Variants in DOP1A observed in about 807,000 individuals in gnomAD.
DOP1A encodes protein DOP1A.
Under a neutral mutation model 267.6 loss-of-function variants are expected in DOP1A, and 90 were observed. That is an observed-to-expected ratio of 0.34 (90% CI 0.28 to 0.40). DOP1A has a LOEUF of 0.40. DOP1A is among the 10% of genes least tolerant of loss of function. DOP1A has a pLI of 1.00. For synonymous variants in DOP1A, 932 were observed against 999.1 expected, an observed-to-expected ratio of 0.93 and a Z score of 1.27; for missense variants, 2,437 against 2,900.4, an observed-to-expected ratio of 0.84 and a Z score of 3.67.
chr6:83,145,679 A>G, intron 25 of DOP1A, 21 bp downstream of exon 25: 3 of 1,604,724 alleles, frequency 1.9e-6, no homozygotes, highest in Non-Finnish European at 1.7e-6. Context: ...ACTCTTCTTC[A>G]CATGTGTTTA....
At chr6:83,130,476 A>T in intron 17 of DOP1A, 79 bp downstream of exon 17, 1 of 1,502,206 alleles carries the variant, frequency 6.7e-7, no homozygotes, top group Non-Finnish European at 8.9e-7. Context: ...TTTAAGAATT[A>T]TTTTTTAAAT....
At chr6:83,088,099 C>G (rs1000230862) in intron 1 of DOP1A, among the ~76,000 whole-genome samples, 1 of 152,012 alleles carries the variant, frequency 6.6e-6, no homozygotes, top group African/African-American at 2.4e-5. Flanking sequence ...GTCTCGATAT[C>G]CTGACCTCAT....
chr6:83,077,094 ATTG>A (rs1204468826), intron 1 of DOP1A, among the ~76,000 whole-genome samples: 4 of 152,324 alleles, frequency 2.6e-5, no homozygotes, highest in Non-Finnish European at 2.9e-5. Flanking sequence ...AGAAAATAGA[ATTG>A]TTGTTTAATG....
At chr6:83,161,216 T>G (rs898177026) in intron 37 of DOP1A, 3 of 152,124 alleles carry the variant, frequency 2.0e-5, no homozygotes, top group Admixed American at 6.5e-5. Context: ...CAAAATCAGT[T>G]TATCCTCTTT....
chr6:83,128,922 G>A lies in DOP1A; in HGVS notation c.1755G>A (p.Val585=). The change falls in exon 16 of 39, where the codon GTG becomes GTA. Residue 585 remains valine, a synonymous_variant. Transcript: ENST00000349129. ...SSVSHENPTE[V]FEDGENPPSS... is the part of the protein sequence containing the mutation. ...TTTCTCATGAAAATCCTACTGAAGT[G>A]TTTGAAGATGGAGAAAATCCACCAA... 1 of 1,549,792 alleles carries A rather than the reference G, an allele frequency of 6.5e-7. No homozygotes were observed. Among genetic ancestry groups the A allele is most frequent in the South Asian group, 1.3e-5 (1 of 79,278 alleles).
intron 7 of DOP1A, among the ~76,000 whole-genome samples, chr6:83,117,277 A>T (rs550344466): frequency 2.0e-5 from 3 of 151,882 alleles, no homozygotes; most frequent in East Asian, 3.9e-4. Flanking sequence ...CAGCCTCCTG[A>T]GTAGCTGGGA....
downstream of DOP1A, chr6:83,169,436 T>G: frequency 8.1e-7 from 1 of 1,240,508 alleles, no homozygotes; most frequent in Non-Finnish European, 1.1e-6. Context: ...TTGATTTTGT[T>G]TCACTAACAA....
At chr6:83,082,768 CT>C (rs1768354784) in intron 1 of DOP1A, among the ~76,000 whole-genome samples, 11 of 151,352 alleles carry the variant, frequency 7.3e-5, no homozygotes, top group Admixed American at 7.2e-4. Flanking sequence ...ACAATTTTAT[CT>C]GTCAATTTGA....
chr6:83,114,165 G>C (rs1046590220), intron 7 of DOP1A, among the ~76,000 whole-genome samples: 1 of 151,546 alleles, frequency 6.6e-6, no homozygotes, highest in African/African-American at 2.4e-5. Context: ...ATTATGACTG[G>C]CCAATTTTTT....
chr6:83,159,136 G>A (rs969442134), intron 36 of DOP1A, among the ~76,000 whole-genome samples: 2 of 152,050 alleles, frequency 1.3e-5, no homozygotes, highest in African/African-American at 4.8e-5. Context: ...TTCTTCTTCA[G>A]TAGTAGATTT....
intron 26 of DOP1A, 112 bp downstream of exon 26, chr6:83,147,403 T>G: frequency 2.2e-6 from 1 of 462,404 alleles, no homozygotes; most frequent in Non-Finnish European, 3.7e-6. Flanking sequence ...GCCATGTATA[T>G]CCTACAAACC....
intron 1 of DOP1A, among the ~76,000 whole-genome samples, chr6:83,077,160 T>G (rs1295079947): frequency 1.3e-5 from 2 of 152,138 alleles, no homozygotes; most frequent in Admixed American, 6.5e-5. Flanking sequence ...GGTTGCACAA[T>G]AATGTGAATG....
chr6:83,114,163 TG>T (rs1013367708), intron 7 of DOP1A, among the ~76,000 whole-genome samples: 1 of 151,848 alleles, frequency 6.6e-6, no homozygotes, highest in African/African-American at 2.4e-5. Flanking sequence ...GCATTATGAC[TG>T]GCCAATTTTT....
intron 34 of DOP1A, 129 bp downstream of exon 34, chr6:83,156,232 C>G: frequency 2.9e-6 from 2 of 680,928 alleles, no homozygotes; most frequent in Non-Finnish European, 4.5e-6. Flanking sequence ...AGAAATTTTT[C>G]TACTGAAACA....
At chr6:83,077,171 T>C (rs111572314) in intron 1 of DOP1A, among the ~76,000 whole-genome samples, 41 of 151,114 alleles carry the variant, frequency 2.7e-4, no homozygotes, top group African/African-American at 9.4e-4. Context: ...AATGTGAATG[T>C]ACTTAACACT....
At chr6:83,092,629 G>A (rs1230214603) in intron 1 of DOP1A, among the ~76,000 whole-genome samples, 1 of 131,274 alleles carries the variant, frequency 7.6e-6, no homozygotes, top group Non-Finnish European at 1.5e-5. Context: ...ACTGCAGATA[G>A]TACCAAACTC....
intron 36 of DOP1A, among the ~76,000 whole-genome samples, chr6:83,159,317 A>T (rs1289426999): frequency 1.3e-5 from 2 of 152,146 alleles, no homozygotes; most frequent in East Asian, 3.9e-4. Flanking sequence ...CTTTTCACCC[A>T]GGCTGGAATG....
chr6:83,069,540 T>C (rs1276023646), intron 1 of DOP1A, among the ~76,000 whole-genome samples: 1 of 152,210 alleles, frequency 6.6e-6, no homozygotes. Context: ...TAAAGGTCCA[T>C]GCATTAGGCT....
intron 18 of DOP1A, among the ~76,000 whole-genome samples, chr6:83,132,587 C>T (rs988838349): frequency 6.6e-6 from 1 of 152,058 alleles, no homozygotes; most frequent in Non-Finnish European, 1.5e-5. Flanking sequence ...TTGTTCAAGA[C>T]ACAGTTATGG....
Sources: gnomAD v4.1 joint callset for allele counts (sites outside exome capture counted in the v4.1 genomes callset) on GRCh38, gnomAD v4.1.1 for gene constraint, MANE v1.5 for transcripts, NCBI Gene and HGNC (gene_info 2026-07-23, HGNC 2026-07-21) for gene names.